LMBR1: variants seen among roughly 807,000 people sequenced by gnomAD.
LMBR1 encodes limb region 1 protein homolog.
In LMBR1, 52 loss-of-function variants were observed where a neutral mutation model predicts 73.9. The observed-to-expected ratio is 0.70, with a 90% CI of 0.56 to 0.89. The LOEUF (loss-of-function observed/expected upper bound fraction) is 0.89. LMBR1 is among the 40% of genes least tolerant of loss of function. LMBR1 has a pLI of 0.00. For missense variants in LMBR1, 539 were observed against 579.8 expected (o/e 0.93, Z 0.72); for synonymous variants, 215 against 209.4 (o/e 1.03, Z -0.23).
chr7:156,763,543 G>A lies in LMBR1; in HGVS notation c.550+126C>T, dbSNP rs913283043. 4 of 730,858 alleles carry A rather than the reference G, an allele frequency of 5.5e-6. No homozygotes were observed. The African/African-American group carries it at 7.5e-5, about 14-fold the overall frequency. 45.3% of individuals were successfully genotyped at this position (730,858 alleles called of 1,614,324 possible). On this transcript the variant is annotated intron_variant, in intron 6 of 16. Coordinates refer to ENST00000353442, the MANE Select transcript of LMBR1 (RefSeq NM_022458.4). ...AAATATCTAAAGATTTCTTAATTCT[G>A]TAAATTAACATCAAACATCTTTGTT...
In LMBR1 at chr7:156,684,148, T is replaced by G. The variant is rs1423820835; in HGVS notation, c.1403A>C (p.His468Pro). Residue 468 changes from histidine (H) to proline (P), a missense_variant, in exon 17 of 17, where the codon CAC becomes CCC. Around this residue, in one of 3 missense-constraint regions of LMBR1, gnomAD observed 69 missense variants for 68.5 expected, o/e 1.01. Coordinates refer to ENST00000353442, the MANE Select transcript of LMBR1 (RefSeq NM_022458.4). ...TGAATCCCTTGAAGTATTTGGTAAGTGAAGTTTATGAAGCCCTGCAAAAAA... is the reference window on the plus strand; with the variant it reads ...TGAATCCCTTGAAGTATTTGGTAAGGGAAGTTTATGAAGCCCTGCAAAAAA... ...LFKALGLHKL[H>P]LPNTSRDSET... is the part of the protein sequence containing the mutation. 1 of 1,613,534 alleles carries G rather than the reference T, an allele frequency of 6.2e-7. No individual in the cohort carries two copies. Among genetic ancestry groups the G allele is most frequent in the African/African-American group, 1.3e-5 (1 of 74,828 alleles).
chr7:156,887,015 G>C (rs1410038105), intron 1 of LMBR1, among the ~76,000 whole-genome samples: 1 of 152,118 alleles, frequency 6.6e-6, no homozygotes, highest in Non-Finnish European at 1.5e-5. Context: ...TTAGCTGGCA[G>C]CCTTAGGATT....
intron 9 of LMBR1, among the ~76,000 whole-genome samples, chr7:156,743,673 T>G (rs1283698113): frequency 6.6e-6 from 1 of 152,240 alleles, no homozygotes; most frequent in African/African-American, 2.4e-5. Context: ...CTTTCCCAGC[T>G]AGTGAAACTT....
rs756601633 is a variant in LMBR1, at chr7:156,682,166, G to C, written c.*1912C>G. Reference sequence around the variant, plus strand: ...AAATCCAAAACTGGCTTAAGTCCTCGGATGGAGAGAAACTTCCAAATGAAC... The same window carrying C: ...AAATCCAAAACTGGCTTAAGTCCTCCGATGGAGAGAAACTTCCAAATGAAC... On this transcript the variant is annotated 3_prime_UTR_variant, in exon 17 of 17. Transcript: ENST00000353442. 1 of 152,228 alleles carries C rather than the reference G, an allele frequency of 6.6e-6. No homozygotes were observed. The highest frequency in any genetic ancestry group is 1.5e-5 in the Non-Finnish European group (1 of 68,048). 9.4% of individuals were successfully genotyped at this position (152,228 alleles called of 1,614,324 possible).
chr7:156,684,106 G>A lies in LMBR1; in HGVS notation c.1445C>T (p.Ser482Phe). The stretch of plus-strand genomic sequence containing the variant: ...CAGTGCTTTCTGATGCCCATTTACA[G>A]AAGGCTTGGCTGTTTCTGAATCCCT... The part of the protein sequence containing the change: ...TSRDSETAKP[S>F]VNGHQKAL The change falls in exon 17 of 17, where the codon TCT (serine) becomes TTT (phenylalanine). Residue 482 changes from serine (S) to phenylalanine (F), a missense_variant. Physicochemically the swap from Ser to Phe is radical, Grantham distance 155. This residue lies in a region of LMBR1 where 69 missense variants were observed against 68.5 expected (regional missense o/e 1.01). Coordinates refer to ENST00000353442, the MANE Select transcript of LMBR1 (RefSeq NM_022458.4). 1 of 1,614,148 alleles carries A rather than the reference G, an allele frequency of 6.2e-7. No homozygotes were observed. The highest frequency in any genetic ancestry group is 1.1e-5 in the South Asian group (1 of 91,070).
intron 5 of LMBR1, among the ~76,000 whole-genome samples, chr7:156,792,658 C>A (rs1829420028): frequency 6.6e-6 from 1 of 152,184 alleles, no homozygotes; most frequent in Admixed American, 6.5e-5. Flanking sequence ...ACCCCCCAGG[C>A]CTAATATGTC....
chr7:156,756,505 T>C (rs752894880), intron 8 of LMBR1, 40 bp from the exon 9 acceptor site: 12 of 945,870 alleles, frequency 1.3e-5, no homozygotes, highest in Non-Finnish European at 5.0e-6. Context: ...TTCAACGTTA[T>C]AAAACGAATG....
In LMBR1 at chr7:156,731,653, C is replaced by A. The variant is rs75199568; in HGVS notation, c.838+2524G>T. On this transcript the variant is annotated intron_variant, in intron 10 of 16. Coordinates refer to ENST00000353442, the MANE Select transcript of LMBR1 (RefSeq NM_022458.4). ...AAAAACTGACAGAATCTATTGCCAGCAAACCTGTGTTTTTCAAACAGAAGC... is the reference window on the plus strand; with the variant it reads ...AAAAACTGACAGAATCTATTGCCAGAAAACCTGTGTTTTTCAAACAGAAGC... Among the ~76,000 whole-genome samples, 345 of 152,202 alleles carry A rather than the reference C, an allele frequency of 2.3e-3. 3 individuals carry two copies. Among genetic ancestry groups the A allele is most frequent in the African/African-American group, 7.0e-3 (292 of 41,506 alleles).
chr7:156,839,117 T>C (rs1459640604), intron 1 of LMBR1, among the ~76,000 whole-genome samples: 2 of 150,610 alleles, frequency 1.3e-5, no homozygotes, highest in African/African-American at 4.9e-5. Context: ...TGGCGCGATC[T>C]TGGCTCATTG....
intron 1 of LMBR1, among the ~76,000 whole-genome samples, chr7:156,841,372 C>T (rs539103306): frequency 3.9e-5 from 6 of 152,196 alleles, no homozygotes; most frequent in African/African-American, 1.4e-4. Flanking sequence ...TTTTTTAAAA[C>T]CTTAGAATCA....
At chr7:156,824,085 A>G (rs1433751141) in intron 4 of LMBR1, among the ~76,000 whole-genome samples, 2 of 139,208 alleles carry the variant, frequency 1.4e-5, no homozygotes, top group Non-Finnish European at 1.5e-5. Context: ...GAGAGACTCC[A>G]TCTCAAAAAA....
chr7:156,725,919 G>A, intron 12 of LMBR1, 82 bp from the exon 13 acceptor site: 1 of 1,051,748 alleles, frequency 9.5e-7, no homozygotes, highest in Non-Finnish European at 1.4e-6. Context: ...CATAAAATAA[G>A]ACAGTTGAAA....
At position 156,728,674 on chromosome 7, in the gene LMBR1, G is replaced by C. The variant is rs371514812; in HGVS notation, c.885C>G (p.Pro295=). Residue 295 remains proline (P), a synonymous_variant, in exon 11 of 17, where the codon CCC becomes CCG. Transcript: ENST00000353442. The stretch of plus-strand genomic sequence containing the variant: ...CAATAAGAAGGAGAACCATAACAGC[G>C]GGATACACCAAATTTCTTTCCCATG... ...ASAWERNLVY[P]AVMVLLLIET... is the part of the protein sequence containing the mutation. The C allele has an allele frequency of 6.2e-7, 1 of 1,602,044 alleles. No homozygotes were observed. Among genetic ancestry groups the C allele is most frequent in the Non-Finnish European group, 8.5e-7 (1 of 1,176,828 alleles).
intron 4 of LMBR1, among the ~76,000 whole-genome samples, chr7:156,797,028 C>T (rs1830160984): frequency 6.6e-6 from 1 of 152,144 alleles, no homozygotes; most frequent in Non-Finnish European, 1.5e-5. Context: ...GCATTACTGC[C>T]CCAAGATGAC....
intron 5 of LMBR1, among the ~76,000 whole-genome samples, chr7:156,776,407 C>T (rs1452026262): frequency 6.6e-6 from 1 of 152,160 alleles, no homozygotes; most frequent in African/African-American, 2.4e-5. Context: ...CCCCTGCCCT[C>T]GTAAGTAACA....
chr7:156,783,256 C>T (rs750275612), intron 5 of LMBR1, among the ~76,000 whole-genome samples: 2 of 152,170 alleles, frequency 1.3e-5, no homozygotes, highest in African/African-American at 2.4e-5. Context: ...ACTGCAGCTT[C>T]AAACTCCTGG....
chr7:156,834,974 T>C (rs1837347873), intron 2 of LMBR1, among the ~76,000 whole-genome samples: 1 of 151,984 alleles, frequency 6.6e-6, no homozygotes, highest in South Asian at 2.1e-4. Context: ...ACCCCATCTC[T>C]ACTAGAAATA....
chr7:156,793,268 A>G (rs1398618697), intron 5 of LMBR1, among the ~76,000 whole-genome samples: 1 of 152,234 alleles, frequency 6.6e-6, no homozygotes, highest in African/African-American at 2.4e-5. Flanking sequence ...AGACTACAGA[A>G]ATATACAACA....
Position 156,799,138 on chromosome 7 carries a change from G to T in LMBR1, c.320-2646C>A, listed in dbSNP as rs189519385. 2.3e-3 allele frequency among the ~76,000 whole-genome samples: 356 copies of T among 151,634 alleles called. 2 individuals are homozygous for T. In the Middle Eastern group the frequency reaches 0.028, roughly 12 times the overall value. On this transcript the variant is annotated intron_variant, in intron 4 of 16. Coordinates refer to ENST00000353442, the MANE Select transcript of LMBR1 (RefSeq NM_022458.4). ...AATTGCTTGAACCCAGCAGGCAGAG[G>T]TTGCAGTGAGCCGAGATTGCACCAC...
Sources: allele counts gnomAD v4.1 joint callset (sites outside exome capture counted in the v4.1 genomes callset), GRCh38; gene constraint gnomAD v4.1.1; regional missense constraint gnomAD v4.1.1; transcripts MANE v1.5; gene names NCBI Gene and HGNC (gene_info 2026-07-23, HGNC 2026-07-21).